NCOA1: variants seen among roughly 807,000 people sequenced by gnomAD.
NCOA1 encodes the protein Hin-2 protein.
Under a neutral mutation model 150.9 loss-of-function variants are expected in NCOA1, and 35 were observed. The ratio of observed to expected loss-of-function variants is 0.23; its 90% confidence interval spans 0.18 to 0.31. NCOA1 has a LOEUF of 0.31. NCOA1 is among the 10% of genes least tolerant of loss of function. The pLI, the probability that NCOA1 is intolerant of heterozygous loss-of-function variation, is 1.00. For missense variants in NCOA1, 1,491 were observed against 1,749.3 expected, an observed-to-expected ratio of 0.85 and a Z score of 2.63; for synonymous variants, 590 against 630.0, an observed-to-expected ratio of 0.94 and a Z score of 0.95.
intron 15 of NCOA1, 38 bp from the exon 16 acceptor site, chr2:24,728,270 A>G (rs756442146): frequency 7.1e-6 from 11 of 1,556,766 alleles, no homozygotes; most frequent in Non-Finnish European, 9.6e-6. Context: ...ATTATTTGCT[A>G]TGTCAGTCTG....
intron 1 of NCOA1, among the ~76,000 whole-genome samples, chr2:24,500,613 A>T (rs572645129): frequency 6.6e-6 from 1 of 152,190 alleles, no homozygotes; most frequent in Non-Finnish European, 1.5e-5. Context: ...TTTTAATACC[A>T]TTTCATAGAG....
intron 3 of NCOA1, among the ~76,000 whole-genome samples, chr2:24,642,341 T>TTAA (rs199825342): frequency 2.7e-5 from 4 of 148,096 alleles, no homozygotes; most frequent in South Asian, 4.2e-4. Flanking sequence ...ATATATTTTT[T>TTAA]AAAATCTTTA....
intron 3 of NCOA1, among the ~76,000 whole-genome samples, chr2:24,601,518 T>C (rs1383379149): frequency 6.6e-6 from 1 of 151,894 alleles, no homozygotes; most frequent in Non-Finnish European, 1.5e-5. Flanking sequence ...TCTGGTCAGA[T>C]CCATAACACC....
At chr2:24,501,626 C>T (rs1223209631) in intron 1 of NCOA1, among the ~76,000 whole-genome samples, 1 of 152,034 alleles carries the variant, frequency 6.6e-6, no homozygotes, top group African/African-American at 2.4e-5. Context: ...TATTCATAAA[C>T]TTTTAAACCA....
intron 1 of NCOA1, among the ~76,000 whole-genome samples, chr2:24,515,712 G>T (rs13008758): frequency 3.3e-5 from 5 of 152,154 alleles, no homozygotes; most frequent in Non-Finnish European, 7.4e-5. Flanking sequence ...AAACTAGGGG[G>T]AAATGTTAAA....
At chr2:24,547,505 C>T (rs774163317) in intron 1 of NCOA1, among the ~76,000 whole-genome samples, 9 of 152,082 alleles carry the variant, frequency 5.9e-5, no homozygotes, top group Non-Finnish European at 1.0e-4. Context: ...TTTTTTTAAA[C>T]CCTGATAAAC....
Position 24,563,522 on chromosome 2 carries a change from C to CT in NCOA1, c.-395-760dup, listed in dbSNP as rs1258979407. On this transcript the variant is annotated intron_variant, in intron 1 of 22. Coordinates refer to ENST00000348332, the MANE Select transcript of NCOA1 (RefSeq NM_003743.5). ...ATAGCAAAAGCCAGTAAATCTCTCT[C>CT]TTTTTTTTTTTTTGAGACAAGATCT... 4.8e-3 allele frequency among the ~76,000 whole-genome samples: 701 copies of CT among 145,134 alleles called. 5 individuals carry two copies. The highest frequency in any genetic ancestry group is 7.3e-3 in the Middle Eastern group (2 of 274).
At chr2:24,657,590 A>G (rs1671002674) in intron 4 of NCOA1, among the ~76,000 whole-genome samples, 1 of 152,216 alleles carries the variant, frequency 6.6e-6, no homozygotes, top group African/African-American at 2.4e-5. Flanking sequence ...AAAATATGAC[A>G]GTCATTAATC....
At chr2:24,493,273 G>A (rs750197882) in intron 1 of NCOA1, among the ~76,000 whole-genome samples, 12 of 152,266 alleles carry the variant, frequency 7.9e-5, no homozygotes, top group East Asian at 3.9e-4. Flanking sequence ...ACGAATGTCC[G>A]AAATGTTTTA....
chr2:24,508,520 C>T lies in NCOA1; in HGVS notation c.-396+16918C>T, dbSNP rs540148641. Among the ~76,000 whole-genome samples, 42 of 152,116 alleles carry T rather than the reference C, an allele frequency of 2.8e-4. No individual in the cohort carries two copies. The South Asian group carries it at 7.1e-3, about 26-fold the overall frequency. On this transcript the variant is annotated intron_variant, in intron 1 of 22. Transcript: ENST00000348332. Reference sequence around the variant, plus strand: ...ATAATCACTTCCCCAAGCAGATGTACATGGGGCTGATACTGTCTTTTTTGG... The same window carrying T: ...ATAATCACTTCCCCAAGCAGATGTATATGGGGCTGATACTGTCTTTTTTGG...
chr2:24,643,920 G>A (rs1670347026), intron 3 of NCOA1, 46 bp from the exon 4 acceptor site: 1 of 151,902 alleles, frequency 6.6e-6, no homozygotes, highest in South Asian at 2.1e-4. Context: ...GAATAAAATG[G>A]CAATCTAACG....
rs765169486 is a variant in NCOA1, at chr2:24,769,498, T to G, written c.*1107T>G. On this transcript the variant is annotated 3_prime_UTR_variant, in exon 23 of 23. Transcript: ENST00000348332. ...CACTGCCAGAAAGAGCTGTTCCAGC[T>G]GATCTAGAGCATACTGCCCTAGAGT... 5.0e-6 allele frequency: 1 copy of G among 198,366 alleles called. No homozygotes were observed. The highest frequency in any genetic ancestry group is 1.0e-5 in the Non-Finnish European group (1 of 95,580). The allele number at this position is 198,366 out of a possible 1,614,324, so 12.3% of individuals were successfully genotyped here.
At chr2:24,758,643 A>G (rs1664620205) in intron 21 of NCOA1, among the ~76,000 whole-genome samples, 1 of 152,028 alleles carries the variant, frequency 6.6e-6, no homozygotes, top group South Asian at 2.1e-4. Context: ...GACAGACTTT[A>G]TAAATAAGAT....
intron 2 of NCOA1, among the ~76,000 whole-genome samples, chr2:24,578,330 C>A (rs780884988): frequency 6.6e-6 from 1 of 151,804 alleles, no homozygotes; most frequent in African/African-American, 2.4e-5. Flanking sequence ...TGGAAAAACT[C>A]GTGAAACTGT....
chr2:24,743,306 T>C (rs1162111114), intron 19 of NCOA1, among the ~76,000 whole-genome samples: 1 of 152,234 alleles, frequency 6.6e-6, no homozygotes, highest in African/African-American at 2.4e-5. Context: ...CATGGCAGTA[T>C]GCTTATCAGT....
chr2:24,564,959 T>G (rs1358025442), intron 2 of NCOA1, among the ~76,000 whole-genome samples: 1 of 152,174 alleles, frequency 6.6e-6, no homozygotes, highest in East Asian at 1.9e-4. Flanking sequence ...TGATCATCCT[T>G]TAGATGGTTT....
intron 1 of NCOA1, among the ~76,000 whole-genome samples, chr2:24,559,111 C>G (rs1666195522): frequency 6.6e-6 from 1 of 152,096 alleles, no homozygotes; most frequent in Non-Finnish European, 1.5e-5. Flanking sequence ...AATTTTTCAC[C>G]TCTGATATCT....
At chr2:24,553,081 G>GA (rs1665930315) in intron 1 of NCOA1, among the ~76,000 whole-genome samples, 1 of 152,184 alleles carries the variant, frequency 6.6e-6, no homozygotes. Flanking sequence ...GTCATCTTAG[G>GA]AGACAACGTT....
At chr2:24,764,993 C>T (rs1473034864) in intron 22 of NCOA1, among the ~76,000 whole-genome samples, 1 of 151,990 alleles carries the variant, frequency 6.6e-6, no homozygotes, top group Non-Finnish European at 1.5e-5. Context: ...ACCAGCCTGG[C>T]CAACATGGAG....
Sources: allele counts gnomAD v4.1 joint callset (sites outside exome capture counted in the v4.1 genomes callset), GRCh38; gene constraint gnomAD v4.1.1; transcripts MANE v1.5; gene names NCBI Gene and HGNC (gene_info 2026-07-23, HGNC 2026-07-21).